Variants in MARCHF1 observed in about 807,000 individuals in gnomAD.
MARCHF1 encodes E3 ubiquitin-protein ligase MARCHF1.
Under a neutral mutation model 54.2 loss-of-function variants are expected in MARCHF1, and 40 were observed. The ratio of observed to expected loss-of-function variants is 0.74; its 90% CI spans 0.57 to 0.96. The LOEUF is 0.96. MARCHF1 is among the 40% of genes least tolerant of loss of function. MARCHF1 has a pLI of 0.00. For synonymous variants in MARCHF1, 236 were observed against 236.3 expected (o/e 1.00, Z 0.01); for missense variants, 586 against 656.5 (o/e 0.89, Z 1.17).
At chr4:163,639,306 C>T (rs182915757) in intron 5 of MARCHF1, among the ~76,000 whole-genome samples, 134 of 152,168 alleles carry the variant, frequency 8.8e-4, no homozygotes, top group African/African-American at 2.7e-3. Flanking sequence ...CAAATAATTA[C>T]ATGAGTTGCA....
intron 3 of MARCHF1, among the ~76,000 whole-genome samples, chr4:163,869,648 C>T (rs1183582171): frequency 1.3e-5 from 2 of 152,004 alleles, no homozygotes; most frequent in Non-Finnish European, 2.9e-5. Flanking sequence ...CCTTTCCAAG[C>T]AGTTTACCCT....
At chr4:163,993,125 C>T (rs1752999823) in intron 2 of MARCHF1, among the ~76,000 whole-genome samples, 1 of 151,954 alleles carries the variant, frequency 6.6e-6, no homozygotes, top group Non-Finnish European at 1.5e-5. Flanking sequence ...GAAGCATACA[C>T]TTATGTATTA....
intron 3 of MARCHF1, among the ~76,000 whole-genome samples, chr4:163,897,112 A>G (rs374903792): frequency 1.3e-5 from 2 of 152,158 alleles, no homozygotes; most frequent in Non-Finnish European, 2.9e-5. Context: ...ACTATGGCCA[A>G]TTTTTATGGA....
intron 3 of MARCHF1, among the ~76,000 whole-genome samples, chr4:163,951,513 G>A (rs1167718875): frequency 6.6e-6 from 1 of 152,172 alleles, no homozygotes; most frequent in African/African-American, 2.4e-5. Context: ...GGGAATGAGA[G>A]AAAAGGTCTG....
At chr4:163,947,138 C>T (rs181696012) in intron 3 of MARCHF1, among the ~76,000 whole-genome samples, 61 of 152,210 alleles carry the variant, frequency 4.0e-4, no homozygotes, top group African/African-American at 1.4e-3. Context: ...GAAAATTGTA[C>T]TTCGTGGCAA....
At position 163,527,764 on chromosome 4, in the gene MARCHF1, T is replaced by C. The variant is rs757575455; in HGVS notation, c.*984A>G. On this transcript the variant is annotated 3_prime_UTR_variant, in exon 10 of 10. Transcript: ENST00000514618. Reference sequence around the variant, plus strand: ...TAGTTAATTCAAGTTGAAGTGTACTTTTAAATTACCAACTGGATTTTGAAA... The same window carrying C: ...TAGTTAATTCAAGTTGAAGTGTACTCTTAAATTACCAACTGGATTTTGAAA... 1 of 149,826 alleles carries C rather than the reference T, an allele frequency of 6.7e-6. No individual in the cohort carries two copies. Among genetic ancestry groups the C allele is most frequent in the Non-Finnish European group, 1.5e-5 (1 of 67,192 alleles). 9.3% of individuals were successfully genotyped at this position (149,826 alleles called of 1,614,324 possible). A position where few individuals can be genotyped will look rare whatever the true frequency, so the allele number is the denominator to read the frequency against.
At chr4:164,154,600 C>G (rs574239998) in intron 1 of MARCHF1, among the ~76,000 whole-genome samples, 6 of 152,182 alleles carry the variant, frequency 3.9e-5, no homozygotes, top group Non-Finnish European at 7.3e-5. Flanking sequence ...ACGGGAAGCA[C>G]GCAGATGGGC....
At chr4:163,915,972 A>C (rs747140177) in intron 3 of MARCHF1, among the ~76,000 whole-genome samples, 6 of 152,120 alleles carry the variant, frequency 3.9e-5, no homozygotes, top group Admixed American at 3.3e-4. Context: ...CTAGTACCAA[A>C]TTCAGTGGTT....
intron 5 of MARCHF1, among the ~76,000 whole-genome samples, chr4:163,648,549 T>A (rs1449386836): frequency 6.6e-6 from 1 of 150,598 alleles, no homozygotes. Flanking sequence ...CACTTTGCCA[T>A]TCTATAGCCT....
At chr4:163,583,333 A>G (rs974379251) in intron 8 of MARCHF1, among the ~76,000 whole-genome samples, 8 of 152,226 alleles carry the variant, frequency 5.3e-5, no homozygotes, top group African/African-American at 1.9e-4. Flanking sequence ...AAATGTTGGT[A>G]ACTAAAATTA....
chr4:163,700,148 T>G (rs1208377593), intron 5 of MARCHF1, among the ~76,000 whole-genome samples: 1 of 152,138 alleles, frequency 6.6e-6, no homozygotes, highest in Non-Finnish European at 1.5e-5. Context: ...AGTTTCAACT[T>G]GGATATGTGG....
chr4:164,236,257 T>C (rs1732550210), intron 1 of MARCHF1, among the ~76,000 whole-genome samples: 1 of 152,162 alleles, frequency 6.6e-6, no homozygotes, highest in South Asian at 2.1e-4. Context: ...CAGCAGCTGG[T>C]TGAAACATTT....
rs370764760 is a variant in MARCHF1, at chr4:163,979,114, G to A, written c.-39+9387C>T. Reference sequence around the variant, plus strand: ...TATACATGTGCCATGCTGGTGCGCTGCACCCACTAACTCGTCATCTAGCAT... The same window carrying A: ...TATACATGTGCCATGCTGGTGCGCTACACCCACTAACTCGTCATCTAGCAT... On this transcript the variant is annotated intron_variant, in intron 3 of 9. Transcript: ENST00000514618. 4.0e-5 allele frequency among the ~76,000 whole-genome samples: 5 copies of A among 125,876 alleles called. No individual in the cohort carries two copies. The East Asian group carries it at 1.5e-3, about 37-fold the overall frequency. 82.6% of individuals were successfully genotyped at this position (125,876 alleles called of 152,430 possible). A position where few individuals can be genotyped will look rare whatever the true frequency, so the allele number is the denominator to read the frequency against.
At chr4:163,977,935 C>G (rs959388679) in intron 3 of MARCHF1, among the ~76,000 whole-genome samples, 4 of 152,066 alleles carry the variant, frequency 2.6e-5, no homozygotes, top group African/African-American at 9.7e-5. Flanking sequence ...CAATCAGGAG[C>G]ATTACTACCA....
At chr4:163,576,192 C>A (rs1283114875) in intron 8 of MARCHF1, among the ~76,000 whole-genome samples, 1 of 122,202 alleles carries the variant, frequency 8.2e-6, no homozygotes, top group African/African-American at 2.8e-5. Flanking sequence ...ATAAACTTTC[C>A]TTTTAACACT....
At chr4:163,685,376 GT>G (rs1242844022) in intron 5 of MARCHF1, among the ~76,000 whole-genome samples, 2 of 152,012 alleles carry the variant, frequency 1.3e-5, no homozygotes, top group African/African-American at 4.8e-5. Context: ...AACCCAAATA[GT>G]TTACTATTGA....
At chr4:164,063,707 C>T (rs542580416) in intron 2 of MARCHF1, among the ~76,000 whole-genome samples, 1 of 152,260 alleles carries the variant, frequency 6.6e-6, no homozygotes, top group East Asian at 1.9e-4. Flanking sequence ...TTTTATATTC[C>T]AAATATTATT....
At chr4:164,060,534 A>G (rs1754593597) in intron 2 of MARCHF1, among the ~76,000 whole-genome samples, 1 of 152,118 alleles carries the variant, frequency 6.6e-6, no homozygotes, top group Admixed American at 6.5e-5. Flanking sequence ...GTATACAAGT[A>G]TTTTATGACT....
intron 5 of MARCHF1, among the ~76,000 whole-genome samples, chr4:163,653,148 G>C (rs1579160854): frequency 6.6e-6 from 1 of 151,802 alleles, no homozygotes; most frequent in African/African-American, 2.4e-5. Flanking sequence ...CTGAAGTCAG[G>C]GAGTGATTCA....
Sources: allele counts gnomAD v4.1 joint callset (sites outside exome capture counted in the v4.1 genomes callset), GRCh38; gene constraint gnomAD v4.1.1; transcripts MANE v1.5; gene names NCBI Gene and HGNC (gene_info 2026-07-23, HGNC 2026-07-21).